Variants in GALNT13 observed in about 807,000 individuals in gnomAD.
GALNT13 encodes the protein UDP-GalNAc:polypeptide N-acetylgalactosaminyltransferase 13.
GALNT13 carries 28 observed loss-of-function variants against 64.2 expected under a neutral mutation model. The ratio of observed to expected loss-of-function variants is 0.44; its 90% CI spans 0.32 to 0.60. GALNT13 has a LOEUF of 0.60. Ranked by LOEUF, GALNT13 falls within the 20% of genes least tolerant of loss-of-function variation. GALNT13 has a pLI of 0.05. For synonymous variants in GALNT13, 214 were observed against 224.6 expected (o/e 0.95, Z 0.42); for missense variants, 577 against 669.8 (o/e 0.86, Z 1.53).
the GALNT13 span, among the ~76,000 whole-genome samples, chr2:153,093,509 G>C: frequency 6.6e-6 from 1 of 152,060 alleles, no homozygotes; most frequent in African/African-American, 2.4e-5. Context: ...AAAGTGCTAG[G>C]ATTACAGGCA....
chr2:154,455,060 A>C (rs1702013594), downstream of GALNT13, among the ~76,000 whole-genome samples: 1 of 152,140 alleles, frequency 6.6e-6, no homozygotes, highest in South Asian at 2.1e-4. Flanking sequence ...ACAATCCATA[A>C]ATTTGATTTT....
In GALNT13 at chr2:154,051,365, C is replaced by A. The variant is rs951396596; in HGVS notation, c.143-88972C>A. 2.1e-4 allele frequency among the ~76,000 whole-genome samples: 31 copies of A among 149,592 alleles called. No individual in the cohort carries two copies. In the South Asian group the frequency reaches 2.1e-3, roughly 10 times the overall value. ...GACTGCAGTGGCGCAATCTCGGCTC[C>A]CTGCAAGCTCCGCTTCCCGGGTTCA... On this transcript the variant is annotated intron_variant, in intron 3 of 12. Coordinates refer to ENST00000392825, the MANE Select transcript of GALNT13 (RefSeq NM_052917.4).
chr2:153,895,229 T>A (rs1005403524), intron 1 of GALNT13, among the ~76,000 whole-genome samples: 1 of 152,130 alleles, frequency 6.6e-6, no homozygotes, highest in African/African-American at 2.4e-5. Context: ...AAATTGGTGA[T>A]GAGACCTGGA....
At chr2:154,394,601 T>C (rs1264541141) in intron 9 of GALNT13, among the ~76,000 whole-genome samples, 1 of 152,230 alleles carries the variant, frequency 6.6e-6, no homozygotes. Flanking sequence ...TGTATTCAAT[T>C]ATTTCAACTG....
chr2:154,316,616 G>A (rs1286756087), intron 9 of GALNT13, among the ~76,000 whole-genome samples: 1 of 152,144 alleles, frequency 6.6e-6, no homozygotes, highest in African/African-American at 2.4e-5. Flanking sequence ...ATTATGGGAA[G>A]TCCAAAAGCA....
At chr2:154,198,396 G>T (rs538055425) in intron 4 of GALNT13, among the ~76,000 whole-genome samples, 67 of 151,786 alleles carry the variant, frequency 4.4e-4, no homozygotes, top group Non-Finnish European at 7.8e-4. Context: ...CTTTTTTATT[G>T]TGGTAAAGTA....
chr2:154,354,405 C>CTTTTTTTTTTTTTTT (rs546187850), intron 9 of GALNT13, among the ~76,000 whole-genome samples: 1 of 60,360 alleles, frequency 1.7e-5, no homozygotes, highest in African/African-American at 6.9e-5. Context: ...TGATGTAGTC[C>CTTTTTTTTTTTTTTT]TTTTTTTTTT....
chr2:153,193,096 G>A, the GALNT13 span, among the ~76,000 whole-genome samples: 49 of 151,910 alleles, frequency 3.2e-4, no homozygotes, highest in African/African-American at 1.1e-3. Context: ...ATGGTTTGAT[G>A]GCTTTCTGTA....
chr2:153,817,836 A>C, the GALNT13 span, among the ~76,000 whole-genome samples: 9 of 152,350 alleles, frequency 5.9e-5, no homozygotes, highest in South Asian at 1.9e-3. Context: ...CCAACTGATT[A>C]ATAAGGAAAA....
chr2:153,939,628 C>T (rs1405550502), intron 2 of GALNT13, among the ~76,000 whole-genome samples: 1 of 152,136 alleles, frequency 6.6e-6, no homozygotes, highest in Non-Finnish European at 1.5e-5. Context: ...TATCCAATCC[C>T]CTGAACACCT....
At chr2:153,522,520 C>T in the GALNT13 span, among the ~76,000 whole-genome samples, 1 of 152,066 alleles carries the variant, frequency 6.6e-6, no homozygotes, top group Non-Finnish European at 1.5e-5. Flanking sequence ...CCTGTTGTTT[C>T]TGTTGGTGGT....
At chr2:153,337,529 T>A in the GALNT13 span, among the ~76,000 whole-genome samples, 1 of 152,358 alleles carries the variant, frequency 6.6e-6, no homozygotes, top group Non-Finnish European at 1.5e-5. Context: ...CTCATCCTAC[T>A]GTTTTTTATT....
chr2:154,189,472 C>CAAAA (rs35557058), intron 4 of GALNT13, among the ~76,000 whole-genome samples: 7 of 81,386 alleles, frequency 8.6e-5, no homozygotes, highest in South Asian at 4.5e-4. Context: ...ACGTGCACAC[C>CAAAA]AAAAAAAAAA....
the GALNT13 span, among the ~76,000 whole-genome samples, chr2:153,157,290 C>G: frequency 2.6e-5 from 4 of 152,120 alleles, no homozygotes; most frequent in Non-Finnish European, 5.9e-5. Flanking sequence ...AGGTGTTTAG[C>G]TGAAATATCA....
the GALNT13 span, among the ~76,000 whole-genome samples, chr2:153,351,669 A>T: frequency 1.3e-5 from 2 of 152,178 alleles, no homozygotes; most frequent in Non-Finnish European, 2.9e-5. Context: ...ATTGTCTCCA[A>T]AGCATTACCT....
chr2:153,980,676 G>A (rs1327500987), intron 3 of GALNT13, among the ~76,000 whole-genome samples: 1 of 152,006 alleles, frequency 6.6e-6, no homozygotes, highest in Non-Finnish European at 1.5e-5. Flanking sequence ...AGAACTAAGG[G>A]GCAACTTTAA....
the GALNT13 span, among the ~76,000 whole-genome samples, chr2:153,128,020 A>G: frequency 6.6e-6 from 1 of 152,222 alleles, no homozygotes; most frequent in Non-Finnish European, 1.5e-5. Context: ...CTTTTTGTAG[A>G]CACAAAATGA....
the GALNT13 span, among the ~76,000 whole-genome samples, chr2:153,676,485 G>A: frequency 1.3e-5 from 2 of 152,028 alleles, no homozygotes; most frequent in Non-Finnish European, 2.9e-5. Context: ...AAAAATTGAA[G>A]AGGAGGAATT....
intron 4 of GALNT13, among the ~76,000 whole-genome samples, chr2:154,152,733 C>G (rs190962210): frequency 1.1e-4 from 16 of 152,282 alleles, no homozygotes; most frequent in African/African-American, 2.9e-4. Context: ...CGGCTCCTGA[C>G]ACTTCTGCAT....
Sources: allele counts gnomAD v4.1 joint callset (sites outside exome capture counted in the v4.1 genomes callset), GRCh38; gene constraint gnomAD v4.1.1; transcripts MANE v1.5; gene names NCBI Gene and HGNC (gene_info 2026-07-23, HGNC 2026-07-21).